NALF1: variants seen among roughly 807,000 people sequenced by gnomAD.
The protein encoded by NALF1 is NALCN channel auxiliary factor 1.
A neutral mutation model predicts 48.4 loss-of-function variants in NALF1; 3 were observed. That is an observed-to-expected ratio of 0.06 (90% CI 0.03 to 0.16). The LOEUF is 0.16. Ranked by LOEUF, NALF1 falls within the 10% of genes least tolerant of loss-of-function variation. The pLI is 1.00. For synonymous variants in NALF1, 262 were observed against 245.7 expected, an observed-to-expected ratio of 1.07 and a Z score of -0.62; for missense variants, 526 against 571.5, an observed-to-expected ratio of 0.92 and a Z score of 0.81.
At chr13:107,634,616 A>T (rs767320920) in intron 1 of NALF1, among the ~76,000 whole-genome samples, 7 of 152,146 alleles carry the variant, frequency 4.6e-5, no homozygotes, top group Non-Finnish European at 8.8e-5. Flanking sequence ...AGACAAAAGG[A>T]GGAACACAAA....
intron 1 of NALF1, among the ~76,000 whole-genome samples, chr13:107,464,204 GC>G (rs1234044579): frequency 2.8e-5 from 4 of 141,428 alleles, no homozygotes; most frequent in Non-Finnish European, 6.2e-5. Flanking sequence ...AAACAGAAAT[GC>G]TTTTATTTAC....
chr13:107,198,842 T>C (rs1269628121), intron 2 of NALF1, among the ~76,000 whole-genome samples: 1 of 152,222 alleles, frequency 6.6e-6, no homozygotes, highest in African/African-American at 2.4e-5. Context: ...TTCCTACATC[T>C]ATTCACATTG....
intron 1 of NALF1, among the ~76,000 whole-genome samples, chr13:107,339,310 T>C (rs1483763007): frequency 6.6e-6 from 1 of 152,108 alleles, no homozygotes; most frequent in Non-Finnish European, 1.5e-5. Context: ...TAACTTTCCC[T>C]AGGTACTGAG....
intron 1 of NALF1, among the ~76,000 whole-genome samples, chr13:107,771,020 A>G (rs557583603): frequency 1.3e-5 from 2 of 152,258 alleles, no homozygotes; most frequent in Admixed American, 6.5e-5. Context: ...ATCACCTGAC[A>G]TGTTTCCTCA....
intron 1 of NALF1, among the ~76,000 whole-genome samples, chr13:107,450,578 T>G (rs1884724259): frequency 6.6e-6 from 1 of 152,136 alleles, no homozygotes; most frequent in African/African-American, 2.4e-5. Context: ...AGTGTGAGAA[T>G]GCTTAGGAGA....
chr13:107,838,291 G>A (rs1383181237), intron 1 of NALF1, among the ~76,000 whole-genome samples: 1 of 152,196 alleles, frequency 6.6e-6, no homozygotes, highest in Non-Finnish European at 1.5e-5. Context: ...AGAGTCTACA[G>A]TTCAGCAGGG....
At chr13:107,542,655 T>C (rs1248283241) in intron 1 of NALF1, among the ~76,000 whole-genome samples, 1 of 152,120 alleles carries the variant, frequency 6.6e-6, no homozygotes. Context: ...AGCCCAAAAG[T>C]TTCCATCAAT....
chr13:107,800,255 G>C (rs1015859039), intron 1 of NALF1, among the ~76,000 whole-genome samples: 1 of 152,108 alleles, frequency 6.6e-6, no homozygotes, highest in Non-Finnish European at 1.5e-5. Context: ...GAAAATTAAA[G>C]ACTGAGCAAA....
chr13:107,498,274 A>G (rs1875403191), intron 1 of NALF1, among the ~76,000 whole-genome samples: 1 of 149,678 alleles, frequency 6.7e-6, no homozygotes, highest in Non-Finnish European at 1.5e-5. Context: ...CAAACCGTAG[A>G]AAGTTCAAAC....
chr13:107,753,200 C>G (rs1011665699), intron 1 of NALF1, among the ~76,000 whole-genome samples: 6 of 152,170 alleles, frequency 3.9e-5, no homozygotes, highest in Non-Finnish European at 8.8e-5. Context: ...ATCCACAGGC[C>G]TTTCCTATTA....
chr13:107,407,836 T>G (rs1883925719), intron 1 of NALF1, among the ~76,000 whole-genome samples: 1 of 152,062 alleles, frequency 6.6e-6, no homozygotes, highest in Admixed American at 6.6e-5. Flanking sequence ...TAGCTAAGAT[T>G]TGGAAGCAAC....
chr13:107,246,682 T>G (rs1442427361), intron 1 of NALF1, among the ~76,000 whole-genome samples: 1 of 152,126 alleles, frequency 6.6e-6, no homozygotes, highest in African/African-American at 2.4e-5. Context: ...TTTTTGCCAC[T>G]GAAAATATGA....
chr13:107,534,371 G>C (rs969569220), intron 1 of NALF1, among the ~76,000 whole-genome samples: 1 of 152,008 alleles, frequency 6.6e-6, no homozygotes, highest in South Asian at 2.1e-4. Context: ...AAAACTATTT[G>C]TAATTCAGTT....
chr13:107,862,583 G>A (rs1269534870), intron 1 of NALF1, among the ~76,000 whole-genome samples: 1 of 151,872 alleles, frequency 6.6e-6, no homozygotes, highest in Non-Finnish European at 1.5e-5. Flanking sequence ...TAATTTCCCA[G>A]ATAAATGCAT....
intron 1 of NALF1, among the ~76,000 whole-genome samples, chr13:107,826,175 C>A (rs1879511207): frequency 6.6e-6 from 1 of 152,206 alleles, no homozygotes; most frequent in African/African-American, 2.4e-5. Context: ...ATATCTTAGA[C>A]TGAGGAAAAG....
chr13:107,234,117 A>T (rs984194937), intron 1 of NALF1, among the ~76,000 whole-genome samples: 6 of 152,208 alleles, frequency 3.9e-5, no homozygotes, highest in African/African-American at 1.2e-4. Flanking sequence ...GGCCAGTGTT[A>T]TATTCTAAAC....
intron 1 of NALF1, among the ~76,000 whole-genome samples, chr13:107,512,024 T>A (rs1359804578): frequency 6.6e-6 from 1 of 152,162 alleles, no homozygotes; most frequent in Non-Finnish European, 1.5e-5. Context: ...TGTTAGTACA[T>A]TTGGTTGGTT....
intron 1 of NALF1, among the ~76,000 whole-genome samples, chr13:107,342,049 C>A (rs1488340485): frequency 6.6e-6 from 1 of 152,064 alleles, no homozygotes; most frequent in African/African-American, 2.4e-5. Context: ...ATTGCCATAG[C>A]CAGCCAAGCA....
At chr13:107,517,886 A>T (rs1876114751) in intron 1 of NALF1, among the ~76,000 whole-genome samples, 1 of 151,336 alleles carries the variant, frequency 6.6e-6, no homozygotes, top group African/African-American at 2.4e-5. Flanking sequence ...CGGGAGGTGG[A>T]CGTTTCAGTG....
Sources: gnomAD v4.1 joint callset for allele counts (sites outside exome capture counted in the v4.1 genomes callset) on GRCh38, gnomAD v4.1.1 for gene constraint, MANE v1.5 for transcripts, NCBI Gene and HGNC (gene_info 2026-07-23, HGNC 2026-07-21) for gene names.